The following GPHN variants were observed in gnomAD, a reference collection of about 807,000 sequenced individuals.
GPHN encodes the protein gephyrin.
In GPHN, 17 loss-of-function variants were observed where a neutral mutation model predicts 95.5. The observed-to-expected ratio is 0.18, with a 90% CI of 0.12 to 0.27. The LOEUF (loss-of-function observed/expected upper bound fraction) is 0.27. GPHN is among the 10% of genes least tolerant of loss of function. GPHN has a pLI of 1.00. For missense variants in GPHN, 660 were observed against 978.1 expected, an observed-to-expected ratio of 0.67 and a Z score of 4.34; for synonymous variants, 320 against 322.5, an observed-to-expected ratio of 0.99 and a Z score of 0.08.
chr14:67,056,427 A>C (rs1226066621), intron 10 of GPHN, among the ~76,000 whole-genome samples: 1 of 152,152 alleles, frequency 6.6e-6, no homozygotes, highest in Non-Finnish European at 1.5e-5. Context: ...CAGAGTGCTG[A>C]TTGGTGTGTT....
chr14:66,898,796 A>C (rs2064991443), intron 5 of GPHN, among the ~76,000 whole-genome samples: 1 of 152,020 alleles, frequency 6.6e-6, no homozygotes, highest in Non-Finnish European at 1.5e-5. Flanking sequence ...TAGGAATTAC[A>C]TTAAATCTGG....
chr14:66,651,255 T>C (rs1405342094), intron 1 of GPHN, among the ~76,000 whole-genome samples: 2 of 152,214 alleles, frequency 1.3e-5, no homozygotes, highest in African/African-American at 2.4e-5. Flanking sequence ...CTATTCAACC[T>C]GCACAGAGAA....
intron 2 of GPHN, among the ~76,000 whole-genome samples, chr14:66,708,927 CAT>C (rs1445847648): frequency 6.6e-6 from 1 of 151,862 alleles, no homozygotes; most frequent in Non-Finnish European, 1.5e-5. Context: ...AATTATTAAA[CAT>C]GTGAAGAACT....
At chr14:66,553,810 C>T (rs2059910999) in intron 1 of GPHN, among the ~76,000 whole-genome samples, 1 of 152,086 alleles carries the variant, frequency 6.6e-6, no homozygotes, top group Non-Finnish European at 1.5e-5. Flanking sequence ...CTCTTGACCT[C>T]ATGATCCTCC....
intron 9 of GPHN, among the ~76,000 whole-genome samples, chr14:66,975,730 A>T (rs2070167848): frequency 6.6e-6 from 1 of 151,868 alleles, no homozygotes; most frequent in South Asian, 2.1e-4. Context: ...AAAAAAAAAA[A>T]TTTAATTAGC....
chr14:66,581,886 T>C (rs1169589781), intron 1 of GPHN, among the ~76,000 whole-genome samples: 6 of 152,048 alleles, frequency 3.9e-5, no homozygotes, highest in Non-Finnish European at 7.4e-5. Context: ...AGTACCTAAA[T>C]ATATAAAGTA....
chr14:66,740,769 ATATT>A (rs1457175183), intron 2 of GPHN, among the ~76,000 whole-genome samples: 5 of 152,204 alleles, frequency 3.3e-5, no homozygotes, highest in Non-Finnish European at 7.3e-5. Context: ...AAGGCCTTGA[ATATT>A]TGCAACACAC....
chr14:67,279,793 T>G, the GPHN span: 17 of 355,204 alleles, frequency 4.8e-5, no homozygotes, highest in Admixed American at 9.3e-5. Context: ...GCATGGGCCC[T>G]AACATTTAAA....
At chr14:67,568,547 G>A in the GPHN span, among the ~76,000 whole-genome samples, 81 of 151,996 alleles carry the variant, frequency 5.3e-4, no homozygotes, top group Non-Finnish European at 5.9e-4. Flanking sequence ...CATGACACAC[G>A]TTTACCTACA....
intron 1 of GPHN, chr14:66,509,064 CTG>C (rs757962867): frequency 6.6e-5 from 14 of 213,574 alleles, no homozygotes; most frequent in Non-Finnish European, 1.2e-4. Context: ...ACGCCAGTAT[CTG>C]TGCTTGCCTG....
chr14:67,056,044 C>T (rs2075551235), intron 10 of GPHN, among the ~76,000 whole-genome samples: 1 of 152,214 alleles, frequency 6.6e-6, no homozygotes, highest in Non-Finnish European at 1.5e-5. Flanking sequence ...AAAGAGTGAG[C>T]AGCAGCAAGA....
At chr14:67,220,304 G>A in the GPHN span, among the ~76,000 whole-genome samples, 35 of 151,860 alleles carry the variant, frequency 2.3e-4, 1 homozygote, top group South Asian at 4.8e-3. Context: ...TTATCTGGGC[G>A]TGGTAGTGCA....
At chr14:66,837,789 C>T (rs2061911641) in intron 4 of GPHN, among the ~76,000 whole-genome samples, 1 of 151,502 alleles carries the variant, frequency 6.6e-6, no homozygotes, top group Admixed American at 6.6e-5. Context: ...TATGAAGAAC[C>T]CACAAATAAA....
At chr14:67,676,038 A>G in the GPHN span, among the ~76,000 whole-genome samples, 5 of 152,210 alleles carry the variant, frequency 3.3e-5, no homozygotes, top group South Asian at 4.1e-4. Context: ...CAGTGGTTGC[A>G]GTGAGCTGAG....
intron 4 of GPHN, among the ~76,000 whole-genome samples, chr14:66,851,726 AT>A (rs111666257): frequency 0.016 from 2,425 of 151,714 alleles, 33 homozygotes; most frequent in Middle Eastern, 0.021. Context: ...AGGCATTTGG[AT>A]TTTTTTTTCT....
At chr14:67,374,501 C>G in the GPHN span, 1 of 1,606,556 alleles carries the variant, frequency 6.2e-7, no homozygotes, top group Admixed American at 1.7e-5. Flanking sequence ...AGAGTTTCTC[C>G]AGAGGAAGCA....
the GPHN span, chr14:67,617,221 G>A: frequency 6.6e-6 from 1 of 152,168 alleles, no homozygotes; most frequent in East Asian, 1.9e-4. Flanking sequence ...CTGTCACCTA[G>A]GCTGCAATGC....
chr14:67,378,360 G>C, the GPHN span, among the ~76,000 whole-genome samples: 1 of 148,272 alleles, frequency 6.7e-6, no homozygotes, highest in South Asian at 2.1e-4. Context: ...GGTAGAAAAG[G>C]TGGGAATAGT....
chr14:67,347,585 T>C, the GPHN span: 1 of 705,788 alleles, frequency 1.4e-6, no homozygotes, highest in Non-Finnish European at 2.4e-6. Flanking sequence ...CACCGCAACC[T>C]CTGCCTCCCA....
Sources: gnomAD v4.1 joint callset for allele counts (sites outside exome capture counted in the v4.1 genomes callset) on GRCh38, gnomAD v4.1.1 for gene constraint, MANE v1.5 for transcripts, NCBI Gene and HGNC (gene_info 2026-07-23, HGNC 2026-07-21) for gene names.